SPATA16: variants seen among roughly 807,000 people sequenced by gnomAD.
SPATA16 encodes spermatogenesis associated 16, also known as spermatogenesis-associated protein 16.
Under a neutral mutation model 63.3 loss-of-function variants are expected in SPATA16, and 36 were observed. The observed-to-expected ratio is 0.57, with a 90% confidence interval of 0.44 to 0.75. The LOEUF (loss-of-function observed/expected upper bound fraction) is 0.75. Among genes scored for constraint, SPATA16 ranks in the 30% least tolerant of loss-of-function variants. SPATA16 has a pLI of 0.00. For synonymous variants in SPATA16, 203 were observed against 216.7 expected, an observed-to-expected ratio of 0.94 and a Z score of 0.56; for missense variants, 646 against 679.3, an observed-to-expected ratio of 0.95 and a Z score of 0.54.
At chr3:173,128,829 A>AT (rs1270271307) in intron 1 of SPATA16, among the ~76,000 whole-genome samples, 1 of 152,246 alleles carries the variant, frequency 6.6e-6, no homozygotes, top group African/African-American at 2.4e-5. Flanking sequence ...TGACGTAAGC[A>AT]TATTCATGAT....
intron 4 of SPATA16, among the ~76,000 whole-genome samples, chr3:172,985,343 T>A (rs904762429): frequency 6.6e-6 from 1 of 152,252 alleles, no homozygotes; most frequent in Non-Finnish European, 1.5e-5. Context: ...ATTTTTGATT[T>A]CTTTTTCTGT....
chr3:173,089,757 TG>T (rs1472282744), intron 2 of SPATA16, among the ~76,000 whole-genome samples: 1 of 152,026 alleles, frequency 6.6e-6, no homozygotes, highest in African/African-American at 2.4e-5. Context: ...AGGAAGGGAT[TG>T]GAACACCAGG....
intron 2 of SPATA16, among the ~76,000 whole-genome samples, chr3:173,066,271 T>C (rs1016116260): frequency 6.6e-6 from 1 of 152,226 alleles, no homozygotes; most frequent in African/African-American, 2.4e-5. Context: ...ATTCAACATC[T>C]GCTGACTAAT....
Position 172,974,933 on chromosome 3 carries a change from A to G in SPATA16, c.933+2035T>C, listed in dbSNP as rs78006688. Among the ~76,000 whole-genome samples, 129 of 152,270 alleles carry G rather than the reference A, an allele frequency of 8.5e-4. 1 individual carries two copies. The highest frequency in any genetic ancestry group is 6.6e-3 in the East Asian group (34 of 5,178). ...GACAAGAGCTCTTTTCCTTTATGCC[A>G]GGTTACATCCAATCAAGAAACAGGG... On this transcript the variant is annotated intron_variant, in intron 5 of 10. Transcript: ENST00000351008.
chr3:173,064,528 A>G (rs1736469345), intron 2 of SPATA16, among the ~76,000 whole-genome samples: 1 of 152,140 alleles, frequency 6.6e-6, no homozygotes, highest in South Asian at 2.1e-4. Flanking sequence ...ATTGACAACA[A>G]TAATATGTAA....
chr3:173,081,024 A>C (rs1190927077), intron 2 of SPATA16, among the ~76,000 whole-genome samples: 3 of 152,156 alleles, frequency 2.0e-5, no homozygotes, highest in Non-Finnish European at 4.4e-5. Flanking sequence ...GGCAACACCC[A>C]AACTGCTGCT....
At chr3:172,970,967 AAGAAT>A (rs1396865607) in intron 5 of SPATA16, among the ~76,000 whole-genome samples, 1 of 152,194 alleles carries the variant, frequency 6.6e-6, no homozygotes, top group Non-Finnish European at 1.5e-5. Context: ...AAGAAAAACA[AAGAAT>A]AGAAGAGAAA....
At chr3:172,955,692 G>T (rs9864296) in intron 6 of SPATA16, among the ~76,000 whole-genome samples, 87,182 of 151,866 alleles carry the variant, frequency 0.57, 25,244 homozygotes, top group African/African-American at 0.6. Context: ...ACATTTAATG[G>T]TTTTGTCACA....
At chr3:172,908,953 A>T (rs146359086) in intron 10 of SPATA16, among the ~76,000 whole-genome samples, 1 of 152,168 alleles carries the variant, frequency 6.6e-6, no homozygotes, top group Admixed American at 6.5e-5. Flanking sequence ...TCTTTTGTAG[A>T]GTCACATTAA....
At chr3:173,046,540 C>T (rs1374133457) in intron 3 of SPATA16, among the ~76,000 whole-genome samples, 3 of 151,864 alleles carry the variant, frequency 2.0e-5, no homozygotes, top group Non-Finnish European at 4.4e-5. Context: ...ATGCAGTAGA[C>T]CTCACATTTA....
intron 2 of SPATA16, among the ~76,000 whole-genome samples, chr3:173,073,582 T>A (rs1172900489): frequency 6.6e-6 from 1 of 152,168 alleles, no homozygotes; most frequent in Non-Finnish European, 1.5e-5. Context: ...TGCACAGAAG[T>A]CAAGAATTGA....
chr3:173,119,114 A>G (rs73030990), intron 1 of SPATA16, among the ~76,000 whole-genome samples: 12,288 of 152,066 alleles, frequency 0.081, 1,666 homozygotes, highest in African/African-American at 0.28. Flanking sequence ...ATGAGAACAC[A>G]TGAACATAGG....
chr3:173,139,509 A>G (rs2108353150), intron 1 of SPATA16, among the ~76,000 whole-genome samples: 1 of 152,344 alleles, frequency 6.6e-6, no homozygotes, highest in African/African-American at 2.4e-5. Flanking sequence ...TCTGATGTAA[A>G]AGGATTTAAA....
chr3:172,950,423 G>A (rs1262268055), intron 6 of SPATA16, among the ~76,000 whole-genome samples: 3 of 152,122 alleles, frequency 2.0e-5, no homozygotes, highest in African/African-American at 4.8e-5. Flanking sequence ...AGAATTCTGC[G>A]GTGCAAATAT....
At chr3:172,898,852 A>G (rs985931594) in intron 10 of SPATA16, among the ~76,000 whole-genome samples, 3 of 151,704 alleles carry the variant, frequency 2.0e-5, no homozygotes, top group African/African-American at 4.8e-5. Context: ...ATTTAGTGCT[A>G]TACATTTTTC....
chr3:172,909,291 T>A (rs925153313), intron 10 of SPATA16, among the ~76,000 whole-genome samples: 2 of 152,202 alleles, frequency 1.3e-5, no homozygotes, highest in Non-Finnish European at 2.9e-5. Context: ...CAAATATTAA[T>A]CCTTCATTGA....
intron 2 of SPATA16, among the ~76,000 whole-genome samples, chr3:173,090,516 C>A (rs1348361987): frequency 6.6e-6 from 1 of 152,150 alleles, no homozygotes; most frequent in Non-Finnish European, 1.5e-5. Context: ...TACTGCATCA[C>A]CCTGAGATCA....
chr3:173,016,149 C>A (rs1420553916), intron 4 of SPATA16, among the ~76,000 whole-genome samples: 1 of 152,196 alleles, frequency 6.6e-6, no homozygotes, highest in Non-Finnish European at 1.5e-5. Context: ...AGCATCCCTG[C>A]AGAGCCTAAA....
In SPATA16 at chr3:172,946,333, G is replaced by A. The variant is rs570784348; in HGVS notation, c.1081+10344C>T. Among the ~76,000 whole-genome samples, 9 of 152,332 alleles carry A rather than the reference G, an allele frequency of 5.9e-5. No individual in the cohort carries two copies. In the South Asian group the frequency reaches 1.9e-3, roughly 32 times the overall value. ...TTCTCCTTTAGGAAAGGAGAGAAAA[G>A]AGTAAAGGGAACTCTGTTTTGCAGC... On this transcript the variant is annotated intron_variant, in intron 6 of 10. Transcript: ENST00000351008.
Sources: gnomAD v4.1 joint callset for allele counts (sites outside exome capture counted in the v4.1 genomes callset) on GRCh38, gnomAD v4.1.1 for gene constraint, MANE v1.5 for transcripts, NCBI Gene and HGNC (gene_info 2026-07-23, HGNC 2026-07-21) for gene names.